Variants in CALN1 observed in about 807,000 individuals in gnomAD.
The protein encoded by CALN1 is calcium-binding protein 8.
CALN1 carries 17 observed loss-of-function variants against 30.6 expected under a neutral mutation model. That is an observed-to-expected ratio of 0.56 (90% CI 0.38 to 0.83). The LOEUF is 0.83. CALN1 is among the 40% of genes least tolerant of loss of function. CALN1 has a pLI of 0.00. For synonymous variants in CALN1, 156 were observed against 131.4 expected, an observed-to-expected ratio of 1.19 and a Z score of -1.28; for missense variants, 291 against 354.9, an observed-to-expected ratio of 0.82 and a Z score of 1.45.
At chr7:72,100,774 C>T (rs1215707374) in intron 4 of CALN1, among the ~76,000 whole-genome samples, 9 of 140,970 alleles carry the variant, frequency 6.4e-5, no homozygotes, top group African/African-American at 1.6e-4. Flanking sequence ...GAGCCAAGAT[C>T]GCGCCACTGC....
chr7:72,364,620 C>A (rs187109997), intron 2 of CALN1, among the ~76,000 whole-genome samples: 1 of 151,982 alleles, frequency 6.6e-6, no homozygotes, highest in Non-Finnish European at 1.5e-5. Context: ...ATTCTCAGTA[C>A]GGAAACAGAC....
chr7:72,115,898 A>G (rs1486348573), intron 3 of CALN1, among the ~76,000 whole-genome samples: 1 of 151,896 alleles, frequency 6.6e-6, no homozygotes, highest in Admixed American at 6.6e-5. Flanking sequence ...TAGCTCCCAT[A>G]TATGAATGAT....
At chr7:72,367,456 T>C (rs1803944278) in intron 2 of CALN1, among the ~76,000 whole-genome samples, 4 of 152,170 alleles carry the variant, frequency 2.6e-5, no homozygotes, top group Middle Eastern at 6.8e-3. Flanking sequence ...AGCTCCTGTC[T>C]CTGCAAAAAT....
At chr7:71,926,347 T>C (rs67676824) in intron 5 of CALN1, among the ~76,000 whole-genome samples, 28,743 of 152,088 alleles carry the variant, frequency 0.19, 2,911 homozygotes, top group Non-Finnish European at 0.23. Flanking sequence ...AAGTTACCTA[T>C]TGCTTGCCCA....
intron 2 of CALN1, among the ~76,000 whole-genome samples, chr7:72,336,045 G>A (rs1206735201): frequency 6.6e-6 from 1 of 152,128 alleles, no homozygotes; most frequent in East Asian, 1.9e-4. Flanking sequence ...CCAGCTGCTT[G>A]GAGCTCAGAG....
rs1011980317 is a variant in CALN1 at position 71,782,582 on chromosome 7, G to A, written c.*5193C>T. ...GGGCCAAAAAATTGAGGACAATCCCGAGTGACTTAGTCAAAGCAAGTATGA... is the reference window on the plus strand; with the variant it reads ...GGGCCAAAAAATTGAGGACAATCCCAAGTGACTTAGTCAAAGCAAGTATGA... On this transcript the variant is annotated 3_prime_UTR_variant, in exon 7 of 7. Coordinates refer to ENST00000395275, the MANE Select transcript of CALN1 (RefSeq NM_031468.4). 3 of 152,124 alleles carry A rather than the reference G, an allele frequency of 2.0e-5. No homozygotes were observed. The highest frequency in any genetic ancestry group is 6.5e-5 in the Admixed American group (1 of 15,274). 9.4% of individuals were successfully genotyped at this position (152,124 alleles called of 1,614,324 possible).
intron 3 of CALN1, among the ~76,000 whole-genome samples, chr7:72,250,726 T>A (rs1277119806): frequency 6.6e-6 from 1 of 152,002 alleles, no homozygotes; most frequent in Admixed American, 6.6e-5. Flanking sequence ...CTCCCCCTCT[T>A]GCGACGTGAT....
At chr7:71,814,667 A>G (rs996621884) in intron 5 of CALN1, among the ~76,000 whole-genome samples, 2 of 152,094 alleles carry the variant, frequency 1.3e-5, no homozygotes, top group Non-Finnish European at 2.9e-5. Flanking sequence ...CACCTACTCA[A>G]GGTGAACACC....
intron 5 of CALN1, among the ~76,000 whole-genome samples, chr7:71,833,852 G>A (rs141707183): frequency 6.6e-6 from 1 of 152,218 alleles, no homozygotes; most frequent in East Asian, 1.9e-4. Flanking sequence ...GTTCAAGGCT[G>A]AGCTATGATT....
chr7:71,855,469 C>A (rs990141478), intron 5 of CALN1, among the ~76,000 whole-genome samples: 5 of 152,122 alleles, frequency 3.3e-5, no homozygotes, highest in African/African-American at 4.8e-5. Flanking sequence ...AACTTGGAAG[C>A]CCCAAAGGCC....
At chr7:72,371,399 A>G (rs188153169) in intron 2 of CALN1, among the ~76,000 whole-genome samples, 1 of 152,286 alleles carries the variant, frequency 6.6e-6, no homozygotes, top group African/African-American at 2.4e-5. Context: ...AGGTAATTAA[A>G]TCATGGGAGC....
intron 3 of CALN1, among the ~76,000 whole-genome samples, chr7:72,241,524 T>C (rs554717893): frequency 3.9e-5 from 6 of 152,094 alleles, no homozygotes; most frequent in East Asian, 1.9e-4. Context: ...CTGACCAACA[T>C]AGAGAAACCC....
In CALN1 at chr7:71,894,407, G is replaced by C. The variant is rs1242392296; in HGVS notation, c.502-83915C>G. On this transcript the variant is annotated intron_variant, in intron 5 of 6. Transcript: ENST00000395275. ...AGCCTTCTGAATTGCTGGGACTACA[G>C]GCACACGCTACTATGCCTGGCTAAT... Among the ~76,000 whole-genome samples the C allele has an allele frequency of 2.6e-5, 4 of 151,914 alleles. 1 individual carries two copies. Among genetic ancestry groups the C allele is most frequent in the Non-Finnish European group, 5.9e-5 (4 of 68,030 alleles).
In CALN1 at chr7:71,928,848, G is replaced by T. The variant is rs1584533166; in HGVS notation, c.501+94809C>A. Among the ~76,000 whole-genome samples, 3 of 151,002 alleles carry T rather than the reference G, an allele frequency of 2.0e-5. No homozygotes were observed. In the East Asian group the frequency reaches 5.9e-4, roughly 30 times the overall value. On this transcript the variant is annotated intron_variant, in intron 5 of 6. Transcript: ENST00000395275. The stretch of plus-strand genomic sequence containing the variant: ...GGAGCTCCAGACCAGCCAACGTGGC[G>T]AAACCCCGCCTCTACTAAAAATACA...
intron 2 of CALN1, among the ~76,000 whole-genome samples, chr7:72,283,485 T>C (rs796561016): frequency 2.0e-5 from 3 of 151,916 alleles, no homozygotes; most frequent in African/African-American, 4.8e-5. Context: ...CAGAGAGCTA[T>C]GATCCCACCA....
At chr7:72,000,132 C>A (rs1799454145) in intron 5 of CALN1, among the ~76,000 whole-genome samples, 1 of 151,428 alleles carries the variant, frequency 6.6e-6, no homozygotes, top group Non-Finnish European at 1.5e-5. Context: ...AAGAACAATA[C>A]AAAACAAAAA....
At chr7:72,151,183 A>G (rs2129544167) in intron 3 of CALN1, among the ~76,000 whole-genome samples, 1 of 152,268 alleles carries the variant, frequency 6.6e-6, no homozygotes, top group East Asian at 1.9e-4. Flanking sequence ...AGAATTTGCC[A>G]TCAAGGTTAT....
intron 4 of CALN1, among the ~76,000 whole-genome samples, chr7:72,029,709 A>G (rs1490861195): frequency 6.6e-6 from 1 of 152,206 alleles, no homozygotes; most frequent in East Asian, 1.9e-4. Context: ...AGGTTGGTGA[A>G]CACATGGAGA....
At chr7:72,336,907 G>A (rs143158444) in intron 2 of CALN1, 32,840 of 985,026 alleles carry the variant, frequency 0.033, 733 homozygotes, top group African/African-American at 0.11. Context: ...CGGCGCCCCC[G>A]GGCCGCTCCC....
Sources: allele counts gnomAD v4.1 joint callset (sites outside exome capture counted in the v4.1 genomes callset), GRCh38; gene constraint gnomAD v4.1.1; transcripts MANE v1.5; gene names NCBI Gene and HGNC (gene_info 2026-07-23, HGNC 2026-07-21).